The following SLC35A1 variants were observed in gnomAD, a reference collection of about 807,000 sequenced individuals.
The protein encoded by SLC35A1 is CMP-sialic acid transporter.
SLC35A1 carries 21 observed loss-of-function variants against 40.3 expected under a neutral mutation model. That is an observed-to-expected ratio of 0.52 (90% CI 0.37 to 0.75). The LOEUF (loss-of-function observed/expected upper bound fraction) is 0.75, where lower values mean the gene tolerates loss of function less well. Ranked by LOEUF, SLC35A1 falls within the 30% of genes least tolerant of loss-of-function variation. The probability of loss-of-function intolerance (pLI) is 0.00; values close to 1 mark genes in which losing one functional copy is unlikely to be tolerated. For missense variants in SLC35A1, 297 were observed against 382.1 expected (o/e 0.78, Z 1.86); for synonymous variants, 146 against 147.3 (o/e 0.99, Z 0.06).
intron 1 of SLC35A1, 140 bp downstream of exon 1, chr6:87,473,159 T>TGAG: frequency 2.5e-6 from 1 of 395,504 alleles, no homozygotes. Context: ...GTCAGGAGTT[T>TGAG]GCGTGGAGCC....
chr6:87,502,340 C>A (rs186555249), intron 4 of SLC35A1, among the ~76,000 whole-genome samples: 1 of 152,122 alleles, frequency 6.6e-6, no homozygotes, highest in African/African-American at 2.4e-5. Context: ...GTTCTGAATA[C>A]CGGAGACTTG....
intron 2 of SLC35A1, among the ~76,000 whole-genome samples, chr6:87,483,284 C>T (rs932453799): frequency 7.9e-5 from 12 of 151,882 alleles, no homozygotes; most frequent in Non-Finnish European, 1.6e-4. Context: ...CTCTGCCAGC[C>T]GCTTATGCTG....
chr6:87,498,342 A>C (rs1354012125), intron 2 of SLC35A1, among the ~76,000 whole-genome samples: 3 of 152,220 alleles, frequency 2.0e-5, no homozygotes, highest in African/African-American at 7.2e-5. Flanking sequence ...ACTAGAGATA[A>C]TTATAATGTT....
intron 2 of SLC35A1, among the ~76,000 whole-genome samples, chr6:87,489,133 G>A: frequency 6.6e-6 from 1 of 152,206 alleles, no homozygotes; most frequent in Non-Finnish European, 1.5e-5. Flanking sequence ...GAAGACAATA[G>A]CTTAATTCTA....
intron 2 of SLC35A1, among the ~76,000 whole-genome samples, chr6:87,494,710 C>T (rs1027179112): frequency 1.3e-5 from 2 of 152,132 alleles, no homozygotes; most frequent in African/African-American, 4.8e-5. Flanking sequence ...CAGGCATGGG[C>T]CACTGCACCC....
chr6:87,508,701 C>A, intron 6 of SLC35A1, 105 bp downstream of exon 6: 2 of 936,384 alleles, frequency 2.1e-6, no homozygotes, highest in Admixed American at 2.6e-5. Flanking sequence ...TCCTTTGATA[C>A]TGTAAATACC....
chr6:87,509,520 A>G (rs917148507), intron 7 of SLC35A1, among the ~76,000 whole-genome samples: 6 of 152,196 alleles, frequency 3.9e-5, no homozygotes, highest in Non-Finnish European at 7.3e-5. Context: ...AAATACATAT[A>G]AAGACTTTAG....
chr6:87,481,862 G>A (rs1358451784), intron 2 of SLC35A1, among the ~76,000 whole-genome samples: 1 of 152,172 alleles, frequency 6.6e-6, no homozygotes, highest in Non-Finnish European at 1.5e-5. Flanking sequence ...GTTACACACA[G>A]AATTTCCTTT....
chr6:87,473,870 C>T (rs1242759403), intron 1 of SLC35A1, among the ~76,000 whole-genome samples: 4 of 152,234 alleles, frequency 2.6e-5, no homozygotes, highest in Admixed American at 6.5e-5. Flanking sequence ...CTTGGCTTCA[C>T]CCTTGAATAA....
chr6:87,500,748 A>AT, intron 3 of SLC35A1, 81 bp downstream of exon 3: 3 of 1,373,126 alleles, frequency 2.2e-6, no homozygotes, highest in Non-Finnish European at 3.0e-6. Context: ...TCATATTATC[A>AT]ATTTTTTTTT....
At chr6:87,511,316 A>C in intron 7 of SLC35A1, 83 bp from the exon 8 acceptor site, 1 of 1,427,886 alleles carries the variant, frequency 7.0e-7, no homozygotes, top group East Asian at 2.3e-5. Flanking sequence ...ACCCACAATT[A>C]AGAGTTTTCA....
At position 87,509,016 on chromosome 6, in the gene SLC35A1, GATTTT is replaced by G; in HGVS notation, c.752-20_752-16del. ...AATGTTTCATTTATTTGAGTGATAA[GATTTT>G]ATTTCTCTCTGTATACAAGTTCTTG... On this transcript the variant is annotated intron_variant, in intron 6 of 7. Coordinates refer to ENST00000369552, the MANE Select transcript of SLC35A1 (RefSeq NM_006416.5). 1.2e-6 allele frequency: 2 copies of G among 1,613,070 alleles called. No individual in the cohort carries two copies. Among genetic ancestry groups the G allele is most frequent in the Non-Finnish European group, 1.7e-6 (2 of 1,179,086 alleles).
At chr6:87,481,327 G>C (rs1406728703) in intron 2 of SLC35A1, among the ~76,000 whole-genome samples, 3 of 151,734 alleles carry the variant, frequency 2.0e-5, no homozygotes, top group Non-Finnish European at 4.4e-5. Context: ...TGAGGCAGGA[G>C]AATCGCTTGA....
chr6:87,504,321 G>C (rs1318360032), intron 4 of SLC35A1, among the ~76,000 whole-genome samples: 2 of 150,552 alleles, frequency 1.3e-5, no homozygotes, highest in African/African-American at 4.9e-5. Flanking sequence ...TTTTTTGCAA[G>C]CCTCCACTTA....
intron 4 of SLC35A1, among the ~76,000 whole-genome samples, chr6:87,502,970 T>C (rs1260407088): frequency 6.6e-6 from 1 of 152,226 alleles, no homozygotes; most frequent in Non-Finnish European, 1.5e-5. Context: ...TATTAAGCTC[T>C]TCTTGTTAGC....
intron 2 of SLC35A1, among the ~76,000 whole-genome samples, chr6:87,488,268 C>T (rs141502952): frequency 0.012 from 1,835 of 152,222 alleles, 40 homozygotes; most frequent in African/African-American, 0.042. Context: ...TGTTAAAAAA[C>T]AATGATCGTG....
rs1175685502 is a variant in SLC35A1, at chr6:87,500,607, T to C, written c.294T>C (p.Tyr98=). 3 of 1,614,078 alleles carry C rather than the reference T, an allele frequency of 1.9e-6. No homozygotes were observed. The highest frequency in any genetic ancestry group is 2.5e-6 in the Non-Finnish European group (3 of 1,180,030). ...LLKLSVPSLV[Y]AVQNNMAFLA... Reference sequence around the variant, plus strand: ...AGTTAAGTGTGCCATCGTTAGTGTATGCTGTTCAGAACAACATGGCTTTCC... The same window carrying C: ...AGTTAAGTGTGCCATCGTTAGTGTACGCTGTTCAGAACAACATGGCTTTCC... Residue 98 remains tyrosine, a synonymous_variant, in exon 3 of 8, where the codon TAT becomes TAC. Coordinates refer to ENST00000369552, the MANE Select transcript of SLC35A1 (RefSeq NM_006416.5).
At chr6:87,499,150 CAAAT>C in intron 2 of SLC35A1, 1 of 978,782 alleles carries the variant, frequency 1.0e-6, no homozygotes, top group Non-Finnish European at 1.2e-6. Flanking sequence ...TGTTCTACAG[CAAAT>C]AAATAGGCAC....
At chr6:87,493,319 T>G (rs1444241160) in intron 2 of SLC35A1, among the ~76,000 whole-genome samples, 3 of 152,320 alleles carry the variant, frequency 2.0e-5, no homozygotes, top group Non-Finnish European at 4.4e-5. Flanking sequence ...CTTTATTCCT[T>G]TTTTTTCCAG....
Sources: gnomAD v4.1 joint callset for allele counts (sites outside exome capture counted in the v4.1 genomes callset) on GRCh38, gnomAD v4.1.1 for gene constraint, MANE v1.5 for transcripts, NCBI Gene and HGNC (gene_info 2026-07-23, HGNC 2026-07-21) for gene names.